Variants in PLXNA2 observed in about 807,000 individuals in gnomAD.
The protein encoded by PLXNA2 is plexin-A2.
In PLXNA2, 91 loss-of-function variants were observed where a neutral mutation model predicts 193.5. The observed-to-expected ratio is 0.47, with a 90% CI of 0.40 to 0.56. The LOEUF (loss-of-function observed/expected upper bound fraction) is 0.56, where lower values mean the gene tolerates loss of function less well. Among genes scored for constraint, PLXNA2 ranks in the 20% least tolerant of loss-of-function variants. The pLI, the probability that PLXNA2 is intolerant of heterozygous loss-of-function variation, is 0.00. For missense variants in PLXNA2, 1,995 were observed against 2,503.2 expected (o/e 0.80, Z 4.33); for synonymous variants, 997 against 1,027.3 (o/e 0.97, Z 0.56).
chr1:208,068,432 A>G (rs1479415723), intron 12 of PLXNA2, among the ~76,000 whole-genome samples: 3 of 152,188 alleles, frequency 2.0e-5, no homozygotes, highest in Non-Finnish European at 2.9e-5. Context: ...CTGCCTCCTC[A>G]TCAAACATCT....
intron 3 of PLXNA2, among the ~76,000 whole-genome samples, chr1:208,199,040 G>A (rs983029231): frequency 3.9e-5 from 6 of 152,210 alleles, no homozygotes; most frequent in African/African-American, 1.4e-4. Flanking sequence ...AATTTATAGT[G>A]GATCTTTTAG....
intron 3 of PLXNA2, among the ~76,000 whole-genome samples, chr1:208,185,534 A>G (rs954844023): frequency 6.6e-6 from 1 of 151,958 alleles, no homozygotes; most frequent in African/African-American, 2.4e-5. Flanking sequence ...TGGTTCCCAC[A>G]AAGACTGCTT....
chr1:208,160,142 C>T (rs1669065623), intron 3 of PLXNA2, among the ~76,000 whole-genome samples: 1 of 152,226 alleles, frequency 6.6e-6, no homozygotes, highest in Non-Finnish European at 1.5e-5. Context: ...ACCAGAGCCT[C>T]CCTCACTCCT....
chr1:208,090,161 G>T (rs759080416), intron 9 of PLXNA2, among the ~76,000 whole-genome samples: 2 of 152,098 alleles, frequency 1.3e-5, no homozygotes, highest in Non-Finnish European at 2.9e-5. Flanking sequence ...ATGGAGTCTG[G>T]GCTTCCCTCA....
rs2102659568 is a variant in PLXNA2, at chr1:208,244,167, C to G, written c.-605G>C. 6.4e-6 allele frequency: 1 copy of G among 155,892 alleles called. No individual in the cohort carries two copies. The highest frequency in any genetic ancestry group is 2.4e-5 in the African/African-American group (1 of 41,612). 9.7% of individuals were successfully genotyped at this position (155,892 alleles called of 1,614,324 possible). A position where few individuals can be genotyped will look rare whatever the true frequency, so the allele number is the denominator to read the frequency against. On this transcript the variant is annotated 5_prime_UTR_variant, in exon 1 of 32. Coordinates refer to ENST00000367033, the MANE Select transcript of PLXNA2 (RefSeq NM_025179.4). ...CTGGCTGCGGCGCTCGCACGCCCTA[C>G]CGCTCCCAAGCTCTCGGGGTCTCTC... is the stretch of plus-strand genomic sequence containing the variant.
intron 1 of PLXNA2, among the ~76,000 whole-genome samples, chr1:208,222,903 C>G (rs1671385028): frequency 6.6e-6 from 1 of 152,128 alleles, no homozygotes; most frequent in Admixed American, 6.5e-5. Context: ...CCTAACAACC[C>G]TGTCATCAAC....
At chr1:208,182,877 G>A (rs142837867) in intron 3 of PLXNA2, among the ~76,000 whole-genome samples, 1 of 152,248 alleles carries the variant, frequency 6.6e-6, no homozygotes, top group Non-Finnish European at 1.5e-5. Context: ...TCTGGCTAGG[G>A]GTAGGGGACA....
chr1:208,079,466 G>A lies in PLXNA2; in HGVS notation c.2396-16C>T, dbSNP rs2102381896. The A allele has an allele frequency of 8.4e-6, 13 of 1,549,630 alleles. No individual in the cohort carries two copies. Among genetic ancestry groups the A allele is most frequent in the Non-Finnish European group, 1.1e-5 (13 of 1,139,052 alleles). ...TAGAGATGGACTGCAAAGAGAGCAG[G>A]TGGTCACAGATGAAACCAGAAAGGG... is the stretch of plus-strand genomic sequence containing the variant. On this transcript the variant is annotated splice_polypyrimidine_tract_variant and intron_variant, in intron 11 of 31. Transcript: ENST00000367033.
chr1:208,053,901 T>C (rs917601337), intron 14 of PLXNA2, among the ~76,000 whole-genome samples: 1 of 152,212 alleles, frequency 6.6e-6, no homozygotes, highest in African/African-American at 2.4e-5. Context: ...AGTAGCGAGT[T>C]ACACATACAG....
intron 9 of PLXNA2, among the ~76,000 whole-genome samples, chr1:208,085,214 T>C (rs1034685623): frequency 6.6e-6 from 1 of 152,102 alleles, no homozygotes; most frequent in Non-Finnish European, 1.5e-5. Context: ...AGAGAGACAG[T>C]GAGAAAGACA....
rs189636834 is a variant in PLXNA2, at chr1:208,236,131, C to T, written c.-81+7512G>A. Among the ~76,000 whole-genome samples, 1 of 152,282 alleles carries T rather than the reference C, an allele frequency of 6.6e-6. No individual in the cohort carries two copies. Among genetic ancestry groups the T allele is most frequent in the East Asian group, 1.9e-4 (1 of 5,166 alleles). Reference sequence around the variant, plus strand: ...ACCTGGAACGAGAGCTTTGCTGACTCACGAGGGGCCTCCTGCCTGTGGACG... The same window carrying T: ...ACCTGGAACGAGAGCTTTGCTGACTTACGAGGGGCCTCCTGCCTGTGGACG... On this transcript the variant is annotated intron_variant, in intron 1 of 31. Transcript: ENST00000367033. The surrounding 1 kb of genome is among the most constrained non-coding windows in gnomAD (Gnocchi z 4.4).
At chr1:208,200,747 C>T (rs535877748) in intron 3 of PLXNA2, among the ~76,000 whole-genome samples, 209 of 152,082 alleles carry the variant, frequency 1.4e-3, no homozygotes, top group African/African-American at 4.7e-3. Flanking sequence ...TGCAGGCATC[C>T]GCCACCAGGC....
At chr1:208,099,986 T>G (rs1253477295) in intron 5 of PLXNA2, among the ~76,000 whole-genome samples, 1 of 152,026 alleles carries the variant, frequency 6.6e-6, no homozygotes, top group Non-Finnish European at 1.5e-5. Context: ...CCAAAGAGCC[T>G]GGGTTCCAAC....
intron 1 of PLXNA2, among the ~76,000 whole-genome samples, chr1:208,229,510 G>T (rs1479468297): frequency 6.6e-6 from 1 of 152,186 alleles, no homozygotes; most frequent in Non-Finnish European, 1.5e-5. Context: ...CTCAAGAAAT[G>T]ATTTGAACTA....
intron 28 of PLXNA2, among the ~76,000 whole-genome samples, chr1:208,032,657 T>C (rs1290609364): frequency 6.6e-6 from 1 of 151,802 alleles, no homozygotes; most frequent in Non-Finnish European, 1.5e-5. Flanking sequence ...TTTTGCTACC[T>C]GCTAGGAAGG....
At chr1:208,072,608 T>G (rs1393191031) in intron 12 of PLXNA2, among the ~76,000 whole-genome samples, 1 of 152,152 alleles carries the variant, frequency 6.6e-6, no homozygotes, top group Non-Finnish European at 1.5e-5. Context: ...ATCTCATTGG[T>G]GGGCATAGCC....
At chr1:208,116,344 A>G (rs151177406) in intron 4 of PLXNA2, among the ~76,000 whole-genome samples, 1 of 152,342 alleles carries the variant, frequency 6.6e-6, no homozygotes, top group Non-Finnish European at 1.5e-5. Context: ...CTTATGAGAC[A>G]TCTCTGTATG....
intron 4 of PLXNA2, among the ~76,000 whole-genome samples, chr1:208,109,011 C>T (rs901268646): frequency 6.7e-6 from 1 of 149,088 alleles, no homozygotes; most frequent in Non-Finnish European, 1.5e-5. Flanking sequence ...TCTCTTTCTT[C>T]CCTGGAATCT....
In PLXNA2 at chr1:208,098,933, T is replaced by C. The variant is rs1382278599; in HGVS notation, c.1644A>G (p.Glu548=). The part of the protein sequence containing the change: ...SRRDKCQQAW[E]PNRFAASISQ... ...TGATGCTGGCAGCAAATCGATTAGG[T>C]TCCCAGGCCTGTTGGCATTTGTCCC... is the stretch of plus-strand genomic sequence containing the variant. The change falls in exon 6 of 32, where the codon GAA becomes GAG. Residue 548 remains glutamate, a synonymous_variant. Coordinates refer to ENST00000367033, the MANE Select transcript of PLXNA2 (RefSeq NM_025179.4). 1.2e-6 allele frequency: 2 copies of C among 1,613,580 alleles called. No individual in the cohort carries two copies. Among genetic ancestry groups the C allele is most frequent in the African/African-American group, 1.3e-5 (1 of 75,046 alleles).
Sources: allele counts gnomAD v4.1 joint callset (sites outside exome capture counted in the v4.1 genomes callset), GRCh38; gene constraint gnomAD v4.1.1; non-coding constraint Gnocchi (gnomAD v3.1); transcripts MANE v1.5; gene names NCBI Gene and HGNC (gene_info 2026-07-23, HGNC 2026-07-21).